Variants in IARS1 observed in about 807,000 individuals in gnomAD.
IARS1 encodes the protein isoleucyl-tRNA synthetase 1, also known as isoleucine--tRNA ligase, cytoplasmic.
A neutral mutation model predicts 168.2 loss-of-function variants in IARS1; 124 were observed. The observed-to-expected ratio is 0.74, with a 90% CI of 0.64 to 0.86. The LOEUF (loss-of-function observed/expected upper bound fraction) is 0.86. IARS1 is among the 40% of genes least tolerant of loss of function. The pLI, the probability that IARS1 is intolerant of heterozygous loss-of-function variation, is 0.00. For synonymous variants in IARS1, 532 were observed against 529.4 expected (o/e 1.00, Z -0.07); for missense variants, 1,452 against 1,515.8 (o/e 0.96, Z 0.70).
chr9:92,255,069 A>C (rs1203195756), intron 20 of IARS1, among the ~76,000 whole-genome samples: 1 of 152,100 alleles, frequency 6.6e-6, no homozygotes, highest in Non-Finnish European at 1.5e-5. Flanking sequence ...ATGTCTGGGG[A>C]GTGTGCTGGG....
intron 7 of IARS1, among the ~76,000 whole-genome samples, chr9:92,279,572 G>A (rs1287912592): frequency 6.6e-6 from 1 of 151,948 alleles, no homozygotes; most frequent in African/African-American, 2.4e-5. Context: ...CTTTTTTCTG[G>A]CACCCAATCT....
intron 33 of IARS1, among the ~76,000 whole-genome samples, chr9:92,215,854 T>C (rs1284334163): frequency 6.6e-6 from 1 of 152,130 alleles, no homozygotes; most frequent in Non-Finnish European, 1.5e-5. Flanking sequence ...CTCTGCAGGA[T>C]ATTATCCAGG....
chr9:92,232,043 G>A (rs906348924), intron 30 of IARS1, among the ~76,000 whole-genome samples: 2 of 152,010 alleles, frequency 1.3e-5, no homozygotes, highest in Non-Finnish European at 2.9e-5. Context: ...ATTACTTCAC[G>A]TTTTTCGAGT....
intron 26 of IARS1, 64 bp from the exon 27 acceptor site, chr9:92,245,135 T>C: frequency 8.1e-7 from 1 of 1,238,764 alleles, no homozygotes; most frequent in Non-Finnish European, 1.2e-6. Context: ...CCACTACCCG[T>C]GTATTATGCC....
In IARS1 at chr9:92,210,865, T is replaced by C; in HGVS notation, c.3731A>G (p.Lys1244Arg). Reference sequence around the variant, plus strand: ...ATACACAGTCTTCATATTCAAAGTCTTCACGGGGATGTCTTCTGTAATTTC... The same window carrying C: ...ATACACAGTCTTCATATTCAAAGTCCTCACGGGGATGTCTTCTGTAATTTC... ...TQEITEDIPVKTLNMKTVYVS... is the reference protein window; with the variant it reads ...TQEITEDIPVRTLNMKTVYVS... Residue 1244 changes from lysine (K) to arginine (R), a missense_variant, in exon 34 of 34, where the codon AAG becomes AGG. Lys to Arg is a conservative substitution (Grantham distance 26). Transcript: ENST00000443024. The C allele has an allele frequency of 6.2e-7, 1 of 1,609,114 alleles. No individual in the cohort carries two copies. The highest frequency in any genetic ancestry group is 8.5e-7 in the Non-Finnish European group (1 of 1,175,408).
At chr9:92,263,123 T>A in intron 16 of IARS1, 68 bp from the exon 17 acceptor site, 14 of 1,056,516 alleles carry the variant, frequency 1.3e-5, no homozygotes, top group Non-Finnish European at 2.0e-5. Flanking sequence ...AGAAACTGTA[T>A]TTATTCATTG....
chr9:92,280,878 A>G lies in IARS1; in HGVS notation c.613T>C (p.Ser205Pro). 6.2e-7 allele frequency: 1 copy of G among 1,610,118 alleles called. No homozygotes were observed. Among genetic ancestry groups the G allele is most frequent in the Non-Finnish European group, 8.5e-7 (1 of 1,176,986 alleles). ...HQNYKDVQDP[S>P]VFVTFPLEED... ...TCCAAAGGGAAAGTTACAAATACTGAAGGATCTTGAACATCCTGAAATAAA... is the reference window on the plus strand; with the variant it reads ...TCCAAAGGGAAAGTTACAAATACTGGAGGATCTTGAACATCCTGAAATAAA... Residue 205 changes from serine to proline, a missense_variant, in exon 7 of 34, where the codon TCA becomes CCA. Transcript: ENST00000443024.
intron 17 of IARS1, among the ~76,000 whole-genome samples, chr9:92,261,838 C>A (rs562273430): frequency 6.6e-6 from 1 of 152,040 alleles, no homozygotes; most frequent in East Asian, 1.9e-4. Context: ...CCAACCTCTG[C>A]CTCCCAGGTT....
chr9:92,211,686 C>T (rs1273004168), intron 33 of IARS1, among the ~76,000 whole-genome samples: 2 of 152,294 alleles, frequency 1.3e-5, no homozygotes, highest in East Asian at 3.9e-4. Flanking sequence ...ACAGATACTT[C>T]CTATGTCTAC....
intron 12 of IARS1, 87 bp downstream of exon 12, chr9:92,270,898 C>A: frequency 1.2e-6 from 1 of 864,382 alleles, no homozygotes; most frequent in South Asian, 2.4e-5. Context: ...GAGATGAACA[C>A]CACAAATAAG....
chr9:92,274,515 C>G lies in IARS1; in HGVS notation c.901G>C (p.Glu301Gln). 6.2e-7 allele frequency: 1 copy of G among 1,612,404 alleles called. No homozygotes were observed. Among genetic ancestry groups the G allele is most frequent in the South Asian group, 1.1e-5 (1 of 91,058 alleles). The change falls in exon 10 of 34, where the codon GAG (glutamate) becomes CAG (glutamine). Residue 301 changes from glutamate (E) to glutamine (Q), a missense_variant. Physicochemically the swap from Glu to Gln is conservative, Grantham distance 29. Coordinates refer to ENST00000443024, the MANE Select transcript of IARS1 (RefSeq NM_002161.6). The part of the protein sequence containing the change: ...PLFDYFLKCK[E>Q]NGAFTVLVDN... ...ACAAGCACAGTGAAAGCGCCATTCT[C>G]TTTACACTGGAAAGAAAGGACAGCA...
chr9:92,243,425 A>C (rs550851614), intron 27 of IARS1, 114 bp from the exon 28 acceptor site: 3 of 653,712 alleles, frequency 4.6e-6, no homozygotes, highest in Non-Finnish European at 8.1e-6. Flanking sequence ...CTATTTTTTC[A>C]CACAAATGAG....
intron 33 of IARS1, among the ~76,000 whole-genome samples, chr9:92,216,453 C>T (rs1430802671): frequency 2.9e-5 from 4 of 139,926 alleles, no homozygotes; most frequent in Non-Finnish European, 4.7e-5. Context: ...GGACTAAATG[C>T]TCCAATTAAA....
chr9:92,267,562 T>C (rs1184603854), intron 14 of IARS1, among the ~76,000 whole-genome samples: 1 of 152,206 alleles, frequency 6.6e-6, no homozygotes, highest in Non-Finnish European at 1.5e-5. Context: ...CCTCATTATG[T>C]TGCCTAGGCT....
chr9:92,218,734 AAGG>A (rs1839186264), intron 33 of IARS1, among the ~76,000 whole-genome samples: 2 of 131,836 alleles, frequency 1.5e-5, no homozygotes, highest in African/African-American at 3.2e-5. Context: ...GGACCTCTTC[AAGG>A]AGAACTACAA....
At chr9:92,249,513 C>A (rs1263892073) in intron 25 of IARS1, among the ~76,000 whole-genome samples, 1 of 151,888 alleles carries the variant, frequency 6.6e-6, no homozygotes, top group Non-Finnish European at 1.5e-5. Flanking sequence ...CTACTGCACT[C>A]TAGCCTGGAT....
intron 5 of IARS1, chr9:92,286,117 T>C (rs981442959): frequency 1.2e-5 from 4 of 342,542 alleles, no homozygotes; most frequent in Non-Finnish European, 2.2e-5. Flanking sequence ...TCTGTAATCG[T>C]AGCACTTTGA....
chr9:92,282,667 G>C (rs1052707638), intron 6 of IARS1, among the ~76,000 whole-genome samples: 17 of 151,982 alleles, frequency 1.1e-4, no homozygotes, highest in African/African-American at 4.1e-4. Flanking sequence ...CTGCTCAGGA[G>C]GGTGAGGCTG....
chr9:92,214,577 G>A (rs1838312758), intron 33 of IARS1, among the ~76,000 whole-genome samples: 1 of 152,228 alleles, frequency 6.6e-6, no homozygotes, highest in African/African-American at 2.4e-5. Context: ...CCGTGCGCGA[G>A]CCGAAGCAGG....
Sources: gnomAD v4.1 joint callset for allele counts (sites outside exome capture counted in the v4.1 genomes callset) on GRCh38, gnomAD v4.1.1 for gene constraint, MANE v1.5 for transcripts, NCBI Gene and HGNC (gene_info 2026-07-23, HGNC 2026-07-21) for gene names.